SV2C: variants seen among roughly 807,000 people sequenced by gnomAD.
The protein encoded by SV2C is synaptic vesicle glycoprotein 2C, also known as solute carrier family 22 member B3.
In SV2C, 49 loss-of-function variants were observed where a neutral mutation model predicts 79.7. That is an observed-to-expected ratio of 0.61 (90% CI 0.49 to 0.78). The LOEUF (loss-of-function observed/expected upper bound fraction) is 0.78. SV2C is among the 30% of genes least tolerant of loss of function. The pLI is 0.00. For missense variants in SV2C, 833 were observed against 912.9 expected (o/e 0.91, Z 1.13); for synonymous variants, 334 against 333.2 (o/e 1.00, Z -0.03).
At chr5:75,967,600 G>T in the SV2C span, among the ~76,000 whole-genome samples, 1 of 152,168 alleles carries the variant, frequency 6.6e-6, no homozygotes, top group African/African-American at 2.4e-5. Flanking sequence ...AGATCAAGCT[G>T]CAAGGTGGCA....
At chr5:76,070,907 T>G in the SV2C span, among the ~76,000 whole-genome samples, 1 of 152,220 alleles carries the variant, frequency 6.6e-6, no homozygotes, top group Non-Finnish European at 1.5e-5. Context: ...TGCCTCCATT[T>G]TCAGGAAGTC....
intron 3 of SV2C, among the ~76,000 whole-genome samples, chr5:76,197,668 A>G (rs969602551): frequency 7.1e-6 from 1 of 140,078 alleles, no homozygotes; most frequent in Non-Finnish European, 1.6e-5. Flanking sequence ...CCAGAGAGAG[A>G]GAACCAATAG....
chr5:75,940,324 A>T, the SV2C span, among the ~76,000 whole-genome samples: 1 of 152,012 alleles, frequency 6.6e-6, no homozygotes, highest in South Asian at 2.1e-4. Context: ...AGATTATGCC[A>T]CTGCACTTCA....
the SV2C span, among the ~76,000 whole-genome samples, chr5:75,959,877 A>G: frequency 6.6e-6 from 1 of 152,030 alleles, no homozygotes; most frequent in Non-Finnish European, 1.5e-5. Flanking sequence ...TATACTAAAA[A>G]TCAATATTCT....
At chr5:76,280,551 T>A (rs1404113289) in intron 4 of SV2C, among the ~76,000 whole-genome samples, 1 of 152,086 alleles carries the variant, frequency 6.6e-6, no homozygotes, top group Middle Eastern at 3.2e-3. Flanking sequence ...AGAATAAAAT[T>A]CAACAAAATT....
intron 10 of SV2C, among the ~76,000 whole-genome samples, 185 bp downstream of exon 10, chr5:76,299,112 G>A (rs1338238736): frequency 6.6e-6 from 1 of 152,174 alleles, no homozygotes; most frequent in Non-Finnish European, 1.5e-5. Context: ...CAGATTTAGT[G>A]CAAATGGAGC....
chr5:75,971,425 C>T, the SV2C span, among the ~76,000 whole-genome samples: 5 of 151,980 alleles, frequency 3.3e-5, no homozygotes, highest in African/African-American at 9.7e-5. Context: ...TCTAGAAAAC[C>T]CCATCGTCTC....
intron 4 of SV2C, among the ~76,000 whole-genome samples, chr5:76,273,793 C>A (rs2112477729): frequency 6.6e-6 from 1 of 152,322 alleles, no homozygotes; most frequent in Admixed American, 6.5e-5. Flanking sequence ...AATTGGCTCT[C>A]ACTTCCTGAA....
chr5:76,290,566 GCTAA>G (rs1458433256), intron 6 of SV2C, among the ~76,000 whole-genome samples: 27 of 152,282 alleles, frequency 1.8e-4, no homozygotes, highest in East Asian at 1.4e-3. Context: ...GCAAAAAGAG[GCTAA>G]CTGAGTCATA....
At chr5:76,318,800 A>ATTCT (rs1227086704) in intron 12 of SV2C, among the ~76,000 whole-genome samples, 1 of 152,238 alleles carries the variant, frequency 6.6e-6, no homozygotes, top group Admixed American at 6.5e-5. Flanking sequence ...AGATCATTTC[A>ATTCT]TTCTTTCCCT....
At chr5:76,315,738 T>G (rs1198819037) in intron 12 of SV2C, among the ~76,000 whole-genome samples, 1 of 152,172 alleles carries the variant, frequency 6.6e-6, no homozygotes, top group East Asian at 1.9e-4. Flanking sequence ...TTAAGCTCTG[T>G]GCTGTGAGAA....
exon 13 of SV2C, chr5:76,353,888 G>A (rs1051277177): frequency 2.0e-5 from 3 of 152,252 alleles, no homozygotes; most frequent in East Asian, 3.9e-4. Flanking sequence ...GATATTATCT[G>A]TGTCCCTCCA....
chr5:76,257,685 G>T (rs768913632), intron 4 of SV2C, among the ~76,000 whole-genome samples: 2 of 150,846 alleles, frequency 1.3e-5, no homozygotes, highest in African/African-American at 4.9e-5. Flanking sequence ...GGTGTGGTGT[G>T]TGGTATGTAT....
chr5:76,095,786 G>A (rs1175750882), intron 1 of SV2C, among the ~76,000 whole-genome samples: 1 of 152,004 alleles, frequency 6.6e-6, no homozygotes, highest in African/African-American at 2.4e-5. Flanking sequence ...GGTATATTTA[G>A]TTAATTTGAA....
At chr5:76,195,286 G>T (rs1239995561) in intron 3 of SV2C, among the ~76,000 whole-genome samples, 187 bp downstream of exon 3, 1 of 152,136 alleles carries the variant, frequency 6.6e-6, no homozygotes, top group African/African-American at 2.4e-5. Flanking sequence ...GGACAGAAGG[G>T]AACACACACC....
At chr5:76,270,343 A>T (rs1321084514) in intron 4 of SV2C, among the ~76,000 whole-genome samples, 1 of 152,208 alleles carries the variant, frequency 6.6e-6, no homozygotes, top group Non-Finnish European at 1.5e-5. Flanking sequence ...AAAAAAATGC[A>T]TTCATTGCTT....
At chr5:75,939,294 G>C in the SV2C span, among the ~76,000 whole-genome samples, 1 of 152,150 alleles carries the variant, frequency 6.6e-6, no homozygotes, top group African/African-American at 2.4e-5. Flanking sequence ...AGCAGATTCA[G>C]TTCCTGGTGA....
At chr5:76,115,178 G>T (rs1342506137) in intron 1 of SV2C, among the ~76,000 whole-genome samples, 1 of 152,168 alleles carries the variant, frequency 6.6e-6, no homozygotes, top group Non-Finnish European at 1.5e-5. Flanking sequence ...ATCGCGCGTT[G>T]GTCCCACTGA....
At chr5:75,898,551 C>T in the SV2C span, among the ~76,000 whole-genome samples, 29 of 152,040 alleles carry the variant, frequency 1.9e-4, no homozygotes, top group Admixed American at 1.2e-3. Flanking sequence ...TGTCTCTGCC[C>T]GCCTTTGGTA....
Sources: gnomAD v4.1 joint callset for allele counts (sites outside exome capture counted in the v4.1 genomes callset) on GRCh38, gnomAD v4.1.1 for gene constraint, MANE v1.5 for transcripts, NCBI Gene and HGNC (gene_info 2026-07-23, HGNC 2026-07-21) for gene names.